Variants in FSD1 observed in about 807,000 individuals in gnomAD.
The protein encoded by FSD1 is fibronectin type III and SPRY domain containing 1, also known as fibronectin type III and SPRY domain-containing protein 1.
Under a neutral mutation model 58.2 loss-of-function variants are expected in FSD1, and 23 were observed. That is an observed-to-expected ratio of 0.40 (90% CI 0.28 to 0.56). The LOEUF (loss-of-function observed/expected upper bound fraction) is 0.56, where lower values mean the gene tolerates loss of function less well. Among genes scored for constraint, FSD1 ranks in the 20% least tolerant of loss-of-function variants. The pLI is 0.54. For missense variants in FSD1, 563 were observed against 670.8 expected (o/e 0.84, Z 1.78); for synonymous variants, 265 against 263.4 (o/e 1.01, Z -0.06).
Position 4,323,809 on chromosome 19 carries a change from C to T in FSD1, c.*166C>T. On this transcript the variant is annotated 3_prime_UTR_variant, in exon 13 of 13. Coordinates refer to ENST00000221856, the MANE Select transcript of FSD1 (RefSeq NM_024333.3). This position sits in a 1 kb window ranked among gnomAD's most constrained non-coding sequence, Gnocchi z 7.7. ...ACCCTGGCGGGCCCTCTCCCCACCT[C>T]ACCTCTTAATAAAGGTCAGACACTG... The T allele has an allele frequency of 1.6e-6, 1 of 619,544 alleles. No homozygotes were observed. The highest frequency in any genetic ancestry group is 2.8e-6 in the Non-Finnish European group (1 of 353,220). The allele number at this position is 619,544 out of a possible 1,614,324, so 38.4% of individuals were successfully genotyped here. A position where few individuals can be genotyped will look rare whatever the true frequency, so the allele number is the denominator to read the frequency against.
chr19:4,306,423 C>G lies in FSD1; in HGVS notation c.243+94C>G, dbSNP rs575705655. The G allele has an allele frequency of 2.3e-6, 3 of 1,320,262 alleles. No homozygotes were observed. The East Asian group carries it at 7.1e-5, about 31-fold the overall frequency. The allele number at this position is 1,320,262 out of a possible 1,614,324, so 81.8% of individuals were successfully genotyped here. ...CCTTCCTCCAAAAACTGGGTGCTCT[C>G]GAGTTTCTGATCTCTCCCCTGACCC... On this transcript the variant is annotated intron_variant, in intron 3 of 12. Coordinates refer to ENST00000221856, the MANE Select transcript of FSD1 (RefSeq NM_024333.3).
chr19:4,313,991 G>A (rs900363159), intron 7 of FSD1, among the ~76,000 whole-genome samples: 1 of 151,038 alleles, frequency 6.6e-6, no homozygotes, highest in Non-Finnish European at 1.5e-5. Context: ...TCGCGCCACT[G>A]CACTCCAGCT....
intron 4 of FSD1, among the ~76,000 whole-genome samples, chr19:4,309,297 A>G (rs1401748868): frequency 6.6e-6 from 1 of 152,216 alleles, no homozygotes; most frequent in Non-Finnish European, 1.5e-5. Flanking sequence ...ATGCAAATGA[A>G]TAAATACTTT....
rs577989461 is a variant in FSD1, at chr19:4,308,553, T to C, written c.345+570T>C. ...ACATGGGCAACATAGTGAAACCCCA[T>C]CTCTACAAAAAATAAAATAATTGGC... On this transcript the variant is annotated intron_variant, in intron 4 of 12. Transcript: ENST00000221856. 6.2e-4 allele frequency among the ~76,000 whole-genome samples: 93 copies of C among 151,114 alleles called. 2 individuals carry two copies. The South Asian group carries it at 0.019, about 31-fold the overall frequency.
intron 6 of FSD1, 98 bp downstream of exon 6, chr19:4,310,694 G>A: frequency 7.2e-7 from 1 of 1,389,818 alleles, no homozygotes; most frequent in South Asian, 1.3e-5. Context: ...GGACGACCCG[G>A]TGTCTGAATT....
At chr19:4,312,663 G>A (rs1302352240) in intron 7 of FSD1, among the ~76,000 whole-genome samples, 6 of 151,786 alleles carry the variant, frequency 4.0e-5, no homozygotes, top group African/African-American at 1.5e-4. Context: ...AAATTAGCCG[G>A]GCGTGGCGGT....
intron 7 of FSD1, among the ~76,000 whole-genome samples, chr19:4,314,777 G>A (rs1200344677): frequency 1.3e-5 from 2 of 152,156 alleles, no homozygotes; most frequent in African/African-American, 2.4e-5. Context: ...GAGCCACCAC[G>A]CCCCGCCACA....
chr19:4,306,244 C>T lies in FSD1; in HGVS notation c.158C>T (p.Ser53Phe). 2 of 1,613,908 alleles carry T rather than the reference C, an allele frequency of 1.2e-6. No individual in the cohort carries two copies. The highest frequency in any genetic ancestry group is 1.1e-5 in the South Asian group (1 of 91,066). Residue 53 changes from serine (S) to phenylalanine (F), a missense_variant, in exon 3 of 13, where the codon TCC (serine) becomes TTC (phenylalanine). Ser to Phe is a radical substitution (Grantham distance 155). Coordinates refer to ENST00000221856, the MANE Select transcript of FSD1 (RefSeq NM_024333.3). ...GAGGACCTCGAAGCAGAGTTCCAGT[C>T]CCTCTTCTCCCTCCTGGAGGAGCTG... Reference protein sequence around the residue: ...VQEDLEAEFQSLFSLLEELKE... With the variant: ...VQEDLEAEFQFLFSLLEELKE...
intron 10 of FSD1, among the ~76,000 whole-genome samples, chr19:4,321,985 G>T (rs1295547954): frequency 1.3e-5 from 2 of 148,628 alleles, no homozygotes; most frequent in Admixed American, 1.4e-4. Flanking sequence ...ATCCCGAGGA[G>T]TATCTGGGAG....
In FSD1 at chr19:4,323,734, C is replaced by T; in HGVS notation, c.*91C>T. The T allele has an allele frequency of 1.1e-6, 1 of 878,150 alleles. No homozygotes were observed. Among genetic ancestry groups the T allele is most frequent in the Admixed American group, 2.4e-5 (1 of 40,930 alleles). 54.4% of individuals were successfully genotyped at this position (878,150 alleles called of 1,614,324 possible). A position where few individuals can be genotyped will look rare whatever the true frequency, so the allele number is the denominator to read the frequency against. ...GCCAGGCACCCTCCTCTGTCACTTG[C>T]TGCTTGGAGCCTTAACTCCAGATGG... On this transcript the variant is annotated 3_prime_UTR_variant, in exon 13 of 13. Transcript: ENST00000221856. This position sits in a 1 kb window ranked among gnomAD's most constrained non-coding sequence, Gnocchi z 7.7.
chr19:4,312,614 T>G (rs1048712570), intron 7 of FSD1, among the ~76,000 whole-genome samples: 1 of 151,618 alleles, frequency 6.6e-6, no homozygotes, highest in African/African-American at 2.4e-5. Flanking sequence ...CCATCCTGGC[T>G]AACACGGTGA....
At chr19:4,308,680 C>CT (rs1971652780) in intron 4 of FSD1, among the ~76,000 whole-genome samples, 1 of 151,988 alleles carries the variant, frequency 6.6e-6, no homozygotes, top group Non-Finnish European at 1.5e-5. Context: ...AGTGAAACCC[C>CT]GTCTCTACTA....
At chr19:4,317,703 AG>A (rs1971769841) in intron 8 of FSD1, among the ~76,000 whole-genome samples, 1 of 152,188 alleles carries the variant, frequency 6.6e-6, no homozygotes, top group Non-Finnish European at 1.5e-5. Context: ...ATGGAAGCAC[AG>A]GGTAGTGCAA....
chr19:4,311,244 A>G (rs559832377), intron 6 of FSD1: 1 of 155,934 alleles, frequency 6.4e-6, no homozygotes, highest in African/African-American at 2.4e-5. Context: ...CCCCGAGGAG[A>G]AATGGACTGA....
Position 4,323,661 on chromosome 19 carries a change from C to G in FSD1, c.*18C>G. 1 of 1,574,866 alleles carries G rather than the reference C, an allele frequency of 6.3e-7. No homozygotes were observed. The highest frequency in any genetic ancestry group is 8.7e-7 in the Non-Finnish European group (1 of 1,148,846). ...TCACCTAGGCCCCCAGGCACCCACC[C>G]AGCTGGGGTGTTTTTGGGGGAGTCG... On this transcript the variant is annotated 3_prime_UTR_variant, in exon 13 of 13. Transcript: ENST00000221856. The surrounding 1 kb of genome is among the most constrained non-coding windows in gnomAD (Gnocchi z 7.7).
In FSD1 at chr19:4,306,263, G is replaced by A; in HGVS notation, c.177G>A (p.Glu59=). 3 of 1,614,090 alleles carry A rather than the reference G, an allele frequency of 1.9e-6. No individual in the cohort carries two copies. Among genetic ancestry groups the A allele is most frequent in the Non-Finnish European group, 2.5e-6 (3 of 1,179,998 alleles). The change falls in exon 3 of 13, where the codon GAG becomes GAA. Residue 59 remains glutamate, a synonymous_variant. Transcript: ENST00000221856. ...AEFQSLFSLL[E]ELKEGMLMKI... Reference sequence around the variant, plus strand: ...TCCAGTCCCTCTTCTCCCTCCTGGAGGAGCTGAAAGAAGGCATGCTTATGA... The same window carrying A: ...TCCAGTCCCTCTTCTCCCTCCTGGAAGAGCTGAAAGAAGGCATGCTTATGA...
rs1367228815 is a variant in FSD1, at chr19:4,319,030, CT to C, written c.1039+82del. 4 of 1,170,516 alleles carry C rather than the reference CT, an allele frequency of 3.4e-6. No individual in the cohort carries two copies. In the African/African-American group the frequency reaches 6.0e-5, roughly 18 times the overall value. 72.5% of individuals were successfully genotyped at this position (1,170,516 alleles called of 1,614,324 possible). On this transcript the variant is annotated intron_variant, in intron 10 of 12. Transcript: ENST00000221856. Reference sequence around the variant, plus strand: ...GTGGGGGTTGAGGGAGAACCTTTGCCTTTGGCTGCGGAAACAGGCAGCCATC... The same window carrying C: ...GTGGGGGTTGAGGGAGAACCTTTGCCTTGGCTGCGGAAACAGGCAGCCATC...
Position 4,323,221 on chromosome 19 carries a change from C to T in FSD1, c.1275C>T (p.His425=), listed in dbSNP as rs758318107. Residue 425 remains histidine (H), a synonymous_variant, in exon 11 of 13, where the codon CAC becomes CAT. Transcript: ENST00000221856. This position sits in a 1 kb window ranked among gnomAD's most constrained non-coding sequence, Gnocchi z 7.7. ...DAPVPDCLGV[H]CDFHQGLLSF... ...CCGTGCCCGACTGCCTGGGTGTGCA[C>T]TGTGACTTCCACCAAGGTGACCCCA... 48 of 1,605,190 alleles carry T rather than the reference C, an allele frequency of 3.0e-5. No individual in the cohort carries two copies. Among genetic ancestry groups the T allele is most frequent in the Non-Finnish European group, 4.0e-5 (47 of 1,179,608 alleles).
rs1224947114 is a variant in FSD1 at position 4,304,691 on chromosome 19, G to T, written c.-56G>T. Reference sequence around the variant, plus strand: ...TACCGGCCGCGGCAAAGGCAGCTTGGGGACCCAGCGTGCGCGGGGCCCGCG... The same window carrying T: ...TACCGGCCGCGGCAAAGGCAGCTTGTGGACCCAGCGTGCGCGGGGCCCGCG... On this transcript the variant is annotated 5_prime_UTR_variant, in exon 1 of 13. Transcript: ENST00000221856. 95 of 1,183,798 alleles carry T rather than the reference G, an allele frequency of 8.0e-5. No homozygotes were observed. Among genetic ancestry groups the T allele is most frequent in the Non-Finnish European group, 9.5e-5 (90 of 944,688 alleles). 73.3% of individuals were successfully genotyped at this position (1,183,798 alleles called of 1,614,324 possible).
Sources: allele counts gnomAD v4.1 joint callset (sites outside exome capture counted in the v4.1 genomes callset), GRCh38; gene constraint gnomAD v4.1.1; non-coding constraint Gnocchi (gnomAD v3.1); transcripts MANE v1.5; gene names NCBI Gene and HGNC (gene_info 2026-07-23, HGNC 2026-07-21).